Variants in DNAH10 observed in about 807,000 individuals in gnomAD.
DNAH10 encodes axonemal beta dynein heavy chain 10.
A neutral mutation model predicts 506.6 loss-of-function variants in DNAH10; 348 were observed. The ratio of observed to expected loss-of-function variants is 0.69; its 90% CI spans 0.63 to 0.75. The LOEUF is 0.75. DNAH10 is among the 30% of genes least tolerant of loss of function. The pLI, the probability that DNAH10 is intolerant of heterozygous loss-of-function variation, is 0.00. For missense variants in DNAH10, 5,179 were observed against 5,787.1 expected (o/e 0.89, Z 3.41); for synonymous variants, 2,059 against 2,198.6 (o/e 0.94, Z 1.78).
chr12:123,788,661 C>T (rs1330865808), intron 10 of DNAH10, among the ~76,000 whole-genome samples: 1 of 152,176 alleles, frequency 6.6e-6, no homozygotes, highest in Non-Finnish European at 1.5e-5. Context: ...GGCATGATGG[C>T]TCACACCTGT....
chr12:123,858,222 C>A (rs1331105810), intron 37 of DNAH10, among the ~76,000 whole-genome samples: 1 of 152,050 alleles, frequency 6.6e-6, no homozygotes, highest in Non-Finnish European at 1.5e-5. Flanking sequence ...GATTTGGATC[C>A]TCTGAAGCCT....
intron 25 of DNAH10, among the ~76,000 whole-genome samples, chr12:123,829,822 A>G (rs1401385926): frequency 3.3e-5 from 5 of 152,080 alleles, no homozygotes. Flanking sequence ...ACTCACACCC[A>G]TTCCATATAC....
At chr12:123,800,819 C>G (rs770151789) in intron 15 of DNAH10, among the ~76,000 whole-genome samples, 1 of 151,954 alleles carries the variant, frequency 6.6e-6, no homozygotes, top group Non-Finnish European at 1.5e-5. Context: ...GAGTTCAAGA[C>G]CAGCCTGGCC....
intron 1 of DNAH10, 64 bp from the exon 2 acceptor site, chr12:123,767,542 T>G: frequency 6.7e-7 from 1 of 1,483,656 alleles, no homozygotes; most frequent in Non-Finnish European, 9.2e-7. Flanking sequence ...AGCAAAGATA[T>G]CAGGTGTTTC....
Position 123,838,398 on chromosome 12 carries a change from C to G in DNAH10, c.4903-58C>G, listed in dbSNP as rs139965116. 470 of 1,487,652 alleles carry G rather than the reference C, an allele frequency of 3.2e-4. No homozygotes were observed. In the African/African-American group the frequency reaches 6.2e-3, roughly 20 times the overall value. The allele number at this position is 1,487,652 out of a possible 1,614,324, so 92.2% of individuals were successfully genotyped here. A position where few individuals can be genotyped will look rare whatever the true frequency, so the allele number is the denominator to read the frequency against. On this transcript the variant is annotated intron_variant, in intron 28 of 78. Coordinates refer to ENST00000673944, the MANE Select transcript of DNAH10 (RefSeq NM_001372106.1). Reference sequence around the variant, plus strand: ...TGAGTGCCTGTTCTGGGCTCAAGAACAGTGTCTCCGCTCTCCCTGCTCACC... The same window carrying G: ...TGAGTGCCTGTTCTGGGCTCAAGAAGAGTGTCTCCGCTCTCCCTGCTCACC...
intron 19 of DNAH10, among the ~76,000 whole-genome samples, chr12:123,811,826 A>T (rs548337854): frequency 1.3e-5 from 2 of 149,812 alleles, no homozygotes; most frequent in Admixed American, 1.3e-4. Context: ...TTTAGTAGAG[A>T]CAGGGTTTCG....
Position 123,914,342 on chromosome 12 carries a change from C to T in DNAH10, c.10366C>T (p.Leu3456=), listed in dbSNP as rs758072787. 6.0e-5 allele frequency: 96 copies of T among 1,612,602 alleles called. No individual in the cohort carries two copies. Among genetic ancestry groups the T allele is most frequent in the Non-Finnish European group, 7.4e-5 (87 of 1,179,652 alleles). Residue 3456 remains leucine (L), a synonymous_variant, in exon 61 of 79, where the codon CTG becomes TTG. Transcript: ENST00000673944. The stretch of plus-strand genomic sequence containing the variant: ...CTCCCGTGCCAGGTGGCTGAACGAC[C>T]TGGATGAGCTGATGCACCGGCGCGT... The part of the protein sequence containing the change: ...GSENIRWLND[L]DELMHRRVKL...
In DNAH10 at chr12:123,825,472, T is replaced by C. The variant is rs572724119; in HGVS notation, c.4180-1215T>C. Among the ~76,000 whole-genome samples the C allele has an allele frequency of 5.9e-5, 9 of 152,288 alleles. No individual in the cohort carries two copies. The South Asian group carries it at 1.7e-3, about 28-fold the overall frequency. Reference sequence around the variant, plus strand: ...TCAGCAAGGTAGAGGATTGAACCAGTTCTCAGCGCATCCACGCAACAACAT... The same window carrying C: ...TCAGCAAGGTAGAGGATTGAACCAGCTCTCAGCGCATCCACGCAACAACAT... On this transcript the variant is annotated intron_variant, in intron 24 of 78. Transcript: ENST00000673944.
Position 123,903,516 on chromosome 12 carries a change from G to A in DNAH10, c.9815+403G>A, listed in dbSNP as rs553492188. On this transcript the variant is annotated intron_variant, in intron 57 of 78. Coordinates refer to ENST00000673944, the MANE Select transcript of DNAH10 (RefSeq NM_001372106.1). The surrounding 1 kb of genome is among the most constrained non-coding windows in gnomAD (Gnocchi z 4.6). ...GCAGAGATGTGTGCACACCACGGCC[G>A]GACTGGCGATGCCTGAATCCATTTC... Among the ~76,000 whole-genome samples, 11 of 152,324 alleles carry A rather than the reference G, an allele frequency of 7.2e-5. No individual in the cohort carries two copies. The highest frequency in any genetic ancestry group is 2.1e-4 in the South Asian group (1 of 4,830).
chr12:123,928,639 C>CA lies in DNAH10; in HGVS notation c.12306+52_12306+53insA. On this transcript the variant is annotated intron_variant, in intron 70 of 78. Coordinates refer to ENST00000673944, the MANE Select transcript of DNAH10 (RefSeq NM_001372106.1). The surrounding 1 kb of genome is among the most constrained non-coding windows in gnomAD (Gnocchi z 4.9). The stretch of plus-strand genomic sequence containing the variant: ...TGCCAGCACGCAGCTTCTCAGAACA[C>CA]CTGCATGCTGCTCTGGGGCCGGGGT... The CA allele has an allele frequency of 6.5e-7, 1 of 1,529,068 alleles. No homozygotes were observed. Among genetic ancestry groups the CA allele is most frequent in the South Asian group, 1.2e-5 (1 of 83,404 alleles). 94.7% of individuals were successfully genotyped at this position (1,529,068 alleles called of 1,614,324 possible). A position where few individuals can be genotyped will look rare whatever the true frequency, so the allele number is the denominator to read the frequency against.
intron 21 of DNAH10, among the ~76,000 whole-genome samples, chr12:123,817,123 T>A (rs11057366): frequency 2.1e-5 from 3 of 144,602 alleles, no homozygotes; most frequent in African/African-American, 7.8e-5. Flanking sequence ...TTTTTTTTGG[T>A]CTGCTTTTAA....
Position 123,790,014 on chromosome 12 carries a change from G to A in DNAH10, c.1708G>A (p.Val570Met), listed in dbSNP as rs1958019647. 2.5e-6 allele frequency: 4 copies of A among 1,614,062 alleles called. No homozygotes were observed. The highest frequency in any genetic ancestry group is 2.2e-5 in the East Asian group (1 of 44,902). Residue 570 changes from valine (V) to methionine (M), a missense_variant, in exon 11 of 79, where the codon GTG (valine) becomes ATG (methionine). Physicochemically the swap from Val to Met is conservative, Grantham distance 21. Around this residue, in one of 3 missense-constraint regions of DNAH10, gnomAD observed 4,844 missense variants for 5,430.5 expected, o/e 0.89. Transcript: ENST00000673944. ...PKRIDDVLCR[V>M]DGLVTPMENL... ...GCGCATTGATGATGTCCTATGCAGAGTGGACGGCCTAGTCACCCCCATGGA... is the reference window on the plus strand; with the variant it reads ...GCGCATTGATGATGTCCTATGCAGAATGGACGGCCTAGTCACCCCCATGGA...
chr12:123,845,805 T>TGATG lies in DNAH10; in HGVS notation c.5566_5567insGATG (p.Tyr1856Ter). The TGATG allele has an allele frequency of 6.2e-7, 1 of 1,613,844 alleles. No individual in the cohort carries two copies. The highest frequency in any genetic ancestry group is 8.5e-7 in the Non-Finnish European group (1 of 1,179,860). On this transcript the variant is annotated stop_gained and frameshift_variant, in exon 31 of 79. Transcript: ENST00000673944. LOFTEE classifies it high-confidence loss of function. ...GCTAAGCAAAAACGACAGGAAAAAATACAACACTGTTCTCATCATTGATGT... is the reference window on the plus strand; with the variant it reads ...GCTAAGCAAAAACGACAGGAAAAAATGATGACAACACTGTTCTCATCATTGATGT...
chr12:123,864,653 A>G lies in DNAH10; in HGVS notation c.6967A>G (p.Met2323Val). ...ALWVENMNSV[M>V]DDNRLLTLAN... ...ATGGGTGGAAAACATGAATTCTGTGATGGATGACAACAGGTTGTTGACATT... is the reference window on the plus strand; with the variant it reads ...ATGGGTGGAAAACATGAATTCTGTGGTGGATGACAACAGGTTGTTGACATT... The change falls in exon 40 of 79, where the codon ATG becomes GTG. Residue 2323 changes from methionine to valine, a missense_variant. This residue lies in a region of DNAH10 where 4,844 missense variants were observed against 5,430.5 expected (regional missense o/e 0.89). Transcript: ENST00000673944. 5 of 1,614,012 alleles carry G rather than the reference A, an allele frequency of 3.1e-6. No individual in the cohort carries two copies. Among genetic ancestry groups the G allele is most frequent in the Non-Finnish European group, 4.2e-6 (5 of 1,179,886 alleles).
chr12:123,931,878 C>T, intron 75 of DNAH10, 31 bp downstream of exon 75: 1 of 1,612,778 alleles, frequency 6.2e-7, no homozygotes, highest in East Asian at 2.2e-5. Flanking sequence ...CAGATTACTG[C>T]CTAGATACGT....
At position 123,902,762 on chromosome 12, in the gene DNAH10, G is replaced by A. The variant is rs556782069; in HGVS notation, c.9641-177G>A. Among the ~76,000 whole-genome samples the A allele has an allele frequency of 1.3e-5, 2 of 152,290 alleles. No homozygotes were observed. Among genetic ancestry groups the A allele is most frequent in the African/African-American group, 4.8e-5 (2 of 41,566 alleles). ...GGCTGCCTAGTGCTGGAGGCCCCAC[G>A]CATGGTGAGGTTTTCTGTCCCACCA... is the stretch of plus-strand genomic sequence containing the variant. On this transcript the variant is annotated intron_variant, in intron 56 of 78. Coordinates refer to ENST00000673944, the MANE Select transcript of DNAH10 (RefSeq NM_001372106.1). The surrounding 1 kb of genome is among the most constrained non-coding windows in gnomAD (Gnocchi z 4.5).
At chr12:123,841,825 A>G (rs144050753) in intron 30 of DNAH10, among the ~76,000 whole-genome samples, 1 of 152,290 alleles carries the variant, frequency 6.6e-6, no homozygotes, top group African/African-American at 2.4e-5. Flanking sequence ...AGCTGGGACT[A>G]CAGTTGTGCA....
Position 123,919,108 on chromosome 12 carries a change from C to T in DNAH10, c.11506+159C>T. The stretch of plus-strand genomic sequence containing the variant: ...CTTTTTTTTTTGAGATAGGGTCTTG[C>T]TCCATCACCCAGGCTGGAATGCAGT... On this transcript the variant is annotated intron_variant, in intron 65 of 78. Coordinates refer to ENST00000673944, the MANE Select transcript of DNAH10 (RefSeq NM_001372106.1). The surrounding 1 kb of genome is among the most constrained non-coding windows in gnomAD (Gnocchi z 4.9). 1.1e-6 allele frequency: 1 copy of T among 938,412 alleles called. No homozygotes were observed. The highest frequency in any genetic ancestry group is 1.5e-6 in the Non-Finnish European group (1 of 661,566). The allele number at this position is 938,412 out of a possible 1,614,324, so 58.1% of individuals were successfully genotyped here.
intron 72 of DNAH10, 65 bp from the exon 73 acceptor site, chr12:123,930,337 G>A (rs781019581): frequency 2.5e-5 from 36 of 1,414,268 alleles, no homozygotes; most frequent in Non-Finnish European, 3.0e-5. Flanking sequence ...CTCTGGCCCC[G>A]GGCCCCCAGG....
Sources: allele counts gnomAD v4.1 joint callset (sites outside exome capture counted in the v4.1 genomes callset), GRCh38; gene constraint gnomAD v4.1.1; regional missense constraint gnomAD v4.1.1; non-coding constraint Gnocchi (gnomAD v3.1); transcripts MANE v1.5; gene names NCBI Gene and HGNC (gene_info 2026-07-23, HGNC 2026-07-21).